Variants in NREP observed in about 807,000 individuals in gnomAD.
NREP encodes the protein neuronal regeneration related protein.
Under a neutral mutation model 8.6 loss-of-function variants are expected in NREP, and 5 were observed. The ratio of observed to expected loss-of-function variants is 0.58; its 90% confidence interval spans 0.30 to 1.22. NREP has a LOEUF of 1.22. Among genes scored for constraint, NREP ranks in the 50% most tolerant of loss-of-function variants. NREP has a pLI of 0.07. For missense variants in NREP, 86 were observed against 82.5 expected, an observed-to-expected ratio of 1.04 and a Z score of -0.17; for synonymous variants, 27 against 28.0, an observed-to-expected ratio of 0.96 and a Z score of 0.11.
At chr5:111,960,210 A>G (rs1458226160) in intron 2 of NREP, among the ~76,000 whole-genome samples, 2 of 152,152 alleles carry the variant, frequency 1.3e-5, no homozygotes, top group African/African-American at 4.8e-5. Context: ...AAATCAGAGA[A>G]TCTGTGTGCA....
intron 2 of NREP, among the ~76,000 whole-genome samples, chr5:111,958,099 A>G (rs957181452): frequency 5.9e-5 from 9 of 151,976 alleles, no homozygotes; most frequent in Non-Finnish European, 1.2e-4. Context: ...AAGCAAGAAT[A>G]AGAGACATTA....
At chr5:111,898,676 C>T (rs1754571885) in intron 2 of NREP, among the ~76,000 whole-genome samples, 1 of 152,020 alleles carries the variant, frequency 6.6e-6, no homozygotes, top group East Asian at 1.9e-4. Flanking sequence ...ATTTGAACAA[C>T]AAAATAATAA....
chr5:111,872,885 A>G (rs1379129096), intron 2 of NREP, among the ~76,000 whole-genome samples: 4 of 152,160 alleles, frequency 2.6e-5, no homozygotes, highest in African/African-American at 7.2e-5. Context: ...AAAAGAACAT[A>G]AGAGTAGTAC....
intron 2 of NREP, among the ~76,000 whole-genome samples, chr5:111,970,683 G>A (rs1018179456): frequency 3.9e-5 from 6 of 151,942 alleles, no homozygotes; most frequent in African/African-American, 1.5e-4. Context: ...GAAAGTAGCT[G>A]GGCATGGTGG....
chr5:111,894,899 A>C (rs1241865196), intron 2 of NREP, among the ~76,000 whole-genome samples: 1 of 152,338 alleles, frequency 6.6e-6, no homozygotes, highest in African/African-American at 2.4e-5. Context: ...TTCTGCAACA[A>C]TAACAATTAT....
intron 2 of NREP, among the ~76,000 whole-genome samples, chr5:111,956,428 T>C (rs1236892256): frequency 6.6e-6 from 1 of 151,996 alleles, no homozygotes; most frequent in Non-Finnish European, 1.5e-5. Context: ...AAGAATTAAA[T>C]ACTAGATTAA....
chr5:111,836,755 T>G (rs1392562650), intron 2 of NREP, among the ~76,000 whole-genome samples: 1 of 152,082 alleles, frequency 6.6e-6, no homozygotes, highest in Non-Finnish European at 1.5e-5. Context: ...CTCAGGGTAG[T>G]CTGCAAAGAC....
At chr5:111,871,418 T>A (rs188244730) in intron 2 of NREP, among the ~76,000 whole-genome samples, 4 of 152,162 alleles carry the variant, frequency 2.6e-5, no homozygotes, top group Admixed American at 2.6e-4. Context: ...TCTGGGTGAG[T>A]CAGTGAGTGA....
chr5:111,778,200 T>TGCTAA (rs1751409097), intron 2 of NREP, among the ~76,000 whole-genome samples: 1 of 152,162 alleles, frequency 6.6e-6, no homozygotes, highest in African/African-American at 2.4e-5. Flanking sequence ...ACTCTTCATA[T>TGCTAA]GCTAAGAGAA....
At chr5:111,888,719 G>A (rs1423648616) in intron 2 of NREP, among the ~76,000 whole-genome samples, 2 of 152,168 alleles carry the variant, frequency 1.3e-5, no homozygotes, top group Non-Finnish European at 2.9e-5. Context: ...TTTCCATGCT[G>A]TCTTTCTCTC....
chr5:111,864,120 A>G (rs564661552), intron 2 of NREP, among the ~76,000 whole-genome samples: 3 of 152,290 alleles, frequency 2.0e-5, no homozygotes, highest in Non-Finnish European at 2.9e-5. Flanking sequence ...TCTCTAATCT[A>G]CCAAAGACCG....
intron 2 of NREP, among the ~76,000 whole-genome samples, chr5:111,952,562 G>A (rs1019410376): frequency 1.3e-5 from 2 of 152,142 alleles, no homozygotes; most frequent in South Asian, 2.1e-4. Flanking sequence ...AGGCAAGGAC[G>A]TAGCTGGAGA....
intron 2 of NREP, among the ~76,000 whole-genome samples, chr5:111,870,968 T>C (rs1178889047): frequency 6.6e-6 from 1 of 151,902 alleles, no homozygotes; most frequent in East Asian, 1.9e-4. Context: ...ACACAAGGCA[T>C]AAAATTCTGG....
rs182408700 is a variant in NREP at position 111,900,658 on chromosome 5, T to C, written c.135+74616A>G. Among the ~76,000 whole-genome samples the C allele has an allele frequency of 6.6e-4, 101 of 152,016 alleles. 2 individuals are homozygous for C. Among genetic ancestry groups the C allele is most frequent in the African/African-American group, 1.9e-3 (79 of 41,514 alleles). ...CTATACACTAACAAACTGAAAAACC[T>C]AGAGAAAATTGCTAAATTCCTGGGC... On this transcript the variant is annotated intron_variant, in intron 2 of 3. Transcript: ENST00000395634.
chr5:111,899,300 G>A (rs957832305), intron 2 of NREP, among the ~76,000 whole-genome samples: 2 of 152,102 alleles, frequency 1.3e-5, no homozygotes, highest in African/African-American at 4.8e-5. Context: ...GACTGCTTGT[G>A]GCCAGGAATT....
Position 111,797,945 on chromosome 5 carries a change from A to G in NREP, c.136-62438T>C, listed in dbSNP as rs373149735. 2.0e-5 allele frequency among the ~76,000 whole-genome samples: 3 copies of G among 152,344 alleles called. No homozygotes were observed. In the East Asian group the frequency reaches 5.8e-4, roughly 29 times the overall value. On this transcript the variant is annotated intron_variant, in intron 2 of 3. Coordinates refer to the NREP transcript ENST00000395634. The stretch of plus-strand genomic sequence containing the variant: ...AAAGTGCAGTAAGTGAAAACTGATA[A>G]GAAAACCCACCAAATCTGTAAGAAA...
At chr5:111,897,438 G>A (rs1248565623) in intron 2 of NREP, among the ~76,000 whole-genome samples, 1 of 152,086 alleles carries the variant, frequency 6.6e-6, no homozygotes, top group Non-Finnish European at 1.5e-5. Context: ...ATCTGAGCTG[G>A]TTCTCAACCC....
At chr5:111,845,434 T>C (rs1753138503) in intron 2 of NREP, among the ~76,000 whole-genome samples, 1 of 152,186 alleles carries the variant, frequency 6.6e-6, no homozygotes, top group Admixed American at 6.5e-5. Flanking sequence ...ATCTTGCTGA[T>C]ATCACTCTCT....
intron 2 of NREP, among the ~76,000 whole-genome samples, chr5:111,796,066 T>G (rs527755059): frequency 1.9e-4 from 29 of 152,336 alleles, no homozygotes; most frequent in African/African-American, 6.7e-4. Context: ...TGGTTTTTAT[T>G]GGGCTAAAAC....
Sources: allele counts gnomAD v4.1 joint callset (sites outside exome capture counted in the v4.1 genomes callset), GRCh38; gene constraint gnomAD v4.1.1; transcripts MANE v1.5; gene names NCBI Gene and HGNC (gene_info 2026-07-23, HGNC 2026-07-21).